Variants in ATG7 observed in about 807,000 individuals in gnomAD.
ATG7 encodes the protein autophagy related 7, also known as ubiquitin-like modifier-activating enzyme ATG7.
ATG7 carries 70 observed loss-of-function variants against 82.4 expected under a neutral mutation model. The observed-to-expected ratio is 0.85, with a 90% CI of 0.70 to 1.04. ATG7 has a LOEUF of 1.04. Ranked by LOEUF, ATG7 falls within the 50% of genes least tolerant of loss-of-function variation. ATG7 has a pLI of 0.00. For missense variants in ATG7, 792 were observed against 864.3 expected (o/e 0.92, Z 1.05); for synonymous variants, 287 against 313.0 (o/e 0.92, Z 0.88).
intron 20 of ATG7, among the ~76,000 whole-genome samples, chr3:11,509,317 G>C (rs1357041141): frequency 6.6e-6 from 1 of 152,178 alleles, no homozygotes. Flanking sequence ...TAAAGGGCCA[G>C]GCAGGCCCTC....
chr3:11,497,363 A>ATATATGTATATGTATATG (rs1408489575), intron 20 of ATG7, among the ~76,000 whole-genome samples: 1 of 62,578 alleles, frequency 1.6e-5, no homozygotes, highest in African/African-American at 6.3e-5. Context: ...AATACTATAT[A>ATATATGTATATGTATATG]TATATATATA....
chr3:11,563,846 G>A, the ATG7 span, among the ~76,000 whole-genome samples: 1 of 152,142 alleles, frequency 6.6e-6, no homozygotes, highest in Non-Finnish European at 1.5e-5. Context: ...AGCTTCACCA[G>A]GATTCCCAAG....
chr3:11,490,631 A>C (rs184020312), intron 20 of ATG7, among the ~76,000 whole-genome samples: 6 of 152,184 alleles, frequency 3.9e-5, no homozygotes, highest in Admixed American at 3.9e-4. Flanking sequence ...TTCCATGTTT[A>C]GTGGTTCCTT....
intron 20 of ATG7, among the ~76,000 whole-genome samples, chr3:11,427,964 C>T (rs905752199): frequency 6.6e-6 from 1 of 152,120 alleles, no homozygotes; most frequent in Non-Finnish European, 1.5e-5. Flanking sequence ...AATCTTTTCC[C>T]CTTAGTTACC....
At chr3:11,563,766 T>G in the ATG7 span, among the ~76,000 whole-genome samples, 1 of 152,226 alleles carries the variant, frequency 6.6e-6, no homozygotes, top group Non-Finnish European at 1.5e-5. Context: ...TGTGCCATTT[T>G]GTTAAATGGA....
At chr3:11,558,488 T>TAAGTA (rs1559848932), downstream of ATG7, 5 of 1,483,478 alleles carry the variant, frequency 3.4e-6, no homozygotes, top group South Asian at 1.3e-5. Context: ...TTTTTTTTTT[T>TAAGTA]AAGTACTGAC....
intron 20 of ATG7, among the ~76,000 whole-genome samples, chr3:11,498,189 T>G (rs1222475985): frequency 2.0e-5 from 3 of 152,126 alleles, no homozygotes; most frequent in Admixed American, 6.5e-5. Context: ...ATAACCCACC[T>G]CTTTCTCTAG....
chr3:11,314,363 G>C lies in ATG7; in HGVS notation c.528+943G>C, dbSNP rs1435340988. Among the ~76,000 whole-genome samples the C allele has an allele frequency of 2.0e-5, 3 of 152,106 alleles. No individual in the cohort carries two copies. In the East Asian group the frequency reaches 5.8e-4, roughly 29 times the overall value. On this transcript the variant is annotated intron_variant, in intron 8 of 20. Coordinates refer to ENST00000693202, the MANE Select transcript of ATG7 (RefSeq NM_001349232.2). ...CCCTGAATACTGATGCCATCATTCAGGGAGCTCTCTTGGAGCTGTTCAGGG... is the reference window on the plus strand; with the variant it reads ...CCCTGAATACTGATGCCATCATTCACGGAGCTCTCTTGGAGCTGTTCAGGG...
chr3:11,433,125 C>T (rs888947634), intron 20 of ATG7, among the ~76,000 whole-genome samples: 1 of 151,788 alleles, frequency 6.6e-6, no homozygotes, highest in African/African-American at 2.4e-5. Flanking sequence ...GCCTCTGTCT[C>T]TATTTAAGAA....
chr3:11,347,839 T>C (rs757228550), intron 13 of ATG7, 38 bp from the exon 14 acceptor site: 4 of 1,589,096 alleles, frequency 2.5e-6, no homozygotes. Flanking sequence ...TGTGAAATGT[T>C]CATCAGAAAC....
chr3:11,425,299 G>C (rs2082272658), intron 19 of ATG7, among the ~76,000 whole-genome samples: 1 of 152,150 alleles, frequency 6.6e-6, no homozygotes, highest in African/African-American at 2.4e-5. Context: ...TACAACATAA[G>C]TCTTTGTGCC....
At chr3:11,340,968 T>C (rs1188959203) in intron 12 of ATG7, among the ~76,000 whole-genome samples, 2 of 152,212 alleles carry the variant, frequency 1.3e-5, no homozygotes, top group Non-Finnish European at 2.9e-5. Context: ...TGTTCTTGTT[T>C]AAAGCTCATG....
chr3:11,318,445 C>G (rs1949746052), intron 9 of ATG7, among the ~76,000 whole-genome samples: 1 of 152,184 alleles, frequency 6.6e-6, no homozygotes, highest in Non-Finnish European at 1.5e-5. Flanking sequence ...TATGCCTTAT[C>G]TTATTCTAGG....
At chr3:11,368,889 A>G (rs529574863) in intron 18 of ATG7, among the ~76,000 whole-genome samples, 1 of 151,168 alleles carries the variant, frequency 6.6e-6, no homozygotes, top group African/African-American at 2.4e-5. Context: ...TAAAGTACTG[A>G]TAAAAAAAGA....
chr3:11,541,083 G>T (rs995581009), intron 20 of ATG7, among the ~76,000 whole-genome samples: 1 of 152,046 alleles, frequency 6.6e-6, no homozygotes, highest in African/African-American at 2.4e-5. Context: ...TGTATTTTTA[G>T]TAGAGACGGG....
At chr3:11,433,289 TAAAAAAAAAAAAA>T (rs56859088) in intron 20 of ATG7, among the ~76,000 whole-genome samples, 1 of 83,802 alleles carries the variant, frequency 1.2e-5, no homozygotes, top group Non-Finnish European at 2.3e-5. Context: ...GTCTCTTATT[TAAAAAAAAAAAAA>T]AAAAAAAAAA....
intron 20 of ATG7, among the ~76,000 whole-genome samples, chr3:11,476,189 T>G (rs769409077): frequency 6.6e-6 from 1 of 152,186 alleles, no homozygotes; most frequent in Non-Finnish European, 1.5e-5. Flanking sequence ...GAACAGTTTT[T>G]GCTTTGGTTC....
intron 20 of ATG7, among the ~76,000 whole-genome samples, chr3:11,540,907 T>TGGCGGGGGGGG (rs1478475481): frequency 2.9e-5 from 1 of 34,996 alleles, no homozygotes. Context: ...TAGCTTTTTT[T>TGGCGGGGGGGG]GGGGGGGGGA....
intron 20 of ATG7, among the ~76,000 whole-genome samples, chr3:11,520,094 A>G (rs966518476): frequency 3.3e-5 from 5 of 152,142 alleles, no homozygotes; most frequent in Non-Finnish European, 5.9e-5. Flanking sequence ...ACTTTTGCAC[A>G]TGAATTTGTT....
Sources: allele counts gnomAD v4.1 joint callset (sites outside exome capture counted in the v4.1 genomes callset), GRCh38; gene constraint gnomAD v4.1.1; transcripts MANE v1.5; gene names NCBI Gene and HGNC (gene_info 2026-07-23, HGNC 2026-07-21).